Variants in NR3C1 observed in about 807,000 individuals in gnomAD.
The protein encoded by NR3C1 is glucocorticoid receptor.
A neutral mutation model predicts 74.0 loss-of-function variants in NR3C1; 14 were observed. The ratio of observed to expected loss-of-function variants is 0.19; its 90% CI spans 0.12 to 0.30. The LOEUF (loss-of-function observed/expected upper bound fraction) is 0.30. Ranked by LOEUF, NR3C1 falls within the 10% of genes least tolerant of loss-of-function variation. The pLI is 1.00. For synonymous variants in NR3C1, 308 were observed against 332.5 expected, an observed-to-expected ratio of 0.93 and a Z score of 0.80; for missense variants, 695 against 909.8, an observed-to-expected ratio of 0.76 and a Z score of 3.04.
intron 2 of NR3C1, among the ~76,000 whole-genome samples, chr5:143,399,324 GATATT>G (rs1427086801): frequency 6.6e-6 from 1 of 151,110 alleles, no homozygotes; most frequent in African/African-American, 2.5e-5. Flanking sequence ...AACACAATAT[GATATT>G]ATGAGACATT....
chr5:143,351,836 T>C (rs1448873370), intron 2 of NR3C1, among the ~76,000 whole-genome samples: 2 of 152,198 alleles, frequency 1.3e-5, no homozygotes, highest in Non-Finnish European at 2.9e-5. Flanking sequence ...AGTTTTTACA[T>C]ACTTCACTAA....
chr5:143,384,651 C>T (rs143687382), intron 2 of NR3C1, among the ~76,000 whole-genome samples: 31 of 152,334 alleles, frequency 2.0e-4, no homozygotes, highest in South Asian at 6.2e-4. Flanking sequence ...TTTGACTCCA[C>T]GTCTCATGTC....
At chr5:143,351,735 CA>C (rs1211016737) in intron 2 of NR3C1, among the ~76,000 whole-genome samples, 2 of 152,118 alleles carry the variant, frequency 1.3e-5, no homozygotes, top group African/African-American at 2.4e-5. Context: ...AGTAAAATGA[CA>C]AAAAATTTAT....
At chr5:143,307,237 C>T (rs1819834015) in intron 4 of NR3C1, among the ~76,000 whole-genome samples, 1 of 152,016 alleles carries the variant, frequency 6.6e-6, no homozygotes, top group African/African-American at 2.4e-5. Flanking sequence ...TTTCTGATGT[C>T]CAACAAAAGA....
intron 1 of NR3C1, among the ~76,000 whole-genome samples, chr5:143,413,068 A>G (rs1841350343): frequency 6.6e-6 from 1 of 152,338 alleles, no homozygotes; most frequent in South Asian, 2.1e-4. Context: ...GTTAGGCCCC[A>G]GTATAAGGCT....
chr5:143,403,234 C>A lies in NR3C1; in HGVS notation c.-37G>T. On this transcript the variant is annotated 5_prime_UTR_variant, in exon 1 of 9. Transcript: ENST00000394464. ...ACCTCTGGCAGAGGAGCCGCTCGCC[C>A]GCCACCGTCCGCAGTTCCCGCCGCA... 3 of 985,500 alleles carry A rather than the reference C, an allele frequency of 3.0e-6. No homozygotes were observed. Among genetic ancestry groups the A allele is most frequent in the South Asian group, 9.4e-5 (2 of 21,292 alleles). 61.0% of individuals were successfully genotyped at this position (985,500 alleles called of 1,614,324 possible).
intron 2 of NR3C1, among the ~76,000 whole-genome samples, chr5:143,322,049 G>T (rs1823498890): frequency 6.6e-6 from 1 of 152,112 alleles, no homozygotes. Flanking sequence ...AGCTAACATG[G>T]TAAATATTTA....
intron 3 of NR3C1, among the ~76,000 whole-genome samples, chr5:143,311,818 A>G (rs1019953820): frequency 1.5e-5 from 2 of 131,394 alleles, no homozygotes; most frequent in African/African-American, 6.0e-5. Flanking sequence ...TCCTGTAGAG[A>G]CGGGGTCTCG....
intron 1 of NR3C1, among the ~76,000 whole-genome samples, chr5:143,423,962 AG>A (rs1383641421): frequency 6.9e-6 from 1 of 144,418 alleles, no homozygotes; most frequent in Non-Finnish European, 1.5e-5. Context: ...GGGGGGATAA[AG>A]AGGGGGTGTT....
At chr5:143,312,240 G>T (rs374868628) in intron 3 of NR3C1, among the ~76,000 whole-genome samples, 15 of 152,280 alleles carry the variant, frequency 9.9e-5, no homozygotes, top group African/African-American at 3.4e-4. Context: ...GTCTTGTGCA[G>T]TCCCTTTCCG....
At chr5:143,295,299 C>A in intron 7 of NR3C1, 161 bp downstream of exon 7, 1 of 985,244 alleles carries the variant, frequency 1.0e-6, no homozygotes, top group Non-Finnish European at 1.2e-6. Context: ...GTGTCACTTA[C>A]TGTGCCTTTC....
At chr5:143,336,563 TG>T (rs1007088612) in intron 2 of NR3C1, among the ~76,000 whole-genome samples, 1 of 152,218 alleles carries the variant, frequency 6.6e-6, no homozygotes, top group Non-Finnish European at 1.5e-5. Flanking sequence ...TCAGGAAGAC[TG>T]GTTCAAAGTC....
chr5:143,282,916 A>C (rs1311174319), intron 7 of NR3C1, among the ~76,000 whole-genome samples, 191 bp from the exon 8 acceptor site: 18 of 149,622 alleles, frequency 1.2e-4, no homozygotes, highest in Admixed American at 1.1e-3. Flanking sequence ...AGTAGCTAGG[A>C]CTGTAGGCAC....
At chr5:143,305,160 G>C (rs1819307681) in intron 4 of NR3C1, among the ~76,000 whole-genome samples, 1 of 152,052 alleles carries the variant, frequency 6.6e-6, no homozygotes, top group South Asian at 2.1e-4. Flanking sequence ...AGTTTATATG[G>C]AACTTAAATT....
intron 2 of NR3C1, chr5:143,375,931 A>G (rs555020162): frequency 3.1e-4 from 47 of 152,342 alleles, no homozygotes; most frequent in African/African-American, 1.1e-3. Context: ...AGGGTCTGGC[A>G]TTTCAAAAAT....
At chr5:143,383,504 C>T (rs1836629507) in intron 2 of NR3C1, among the ~76,000 whole-genome samples, 1 of 152,212 alleles carries the variant, frequency 6.6e-6, no homozygotes, top group South Asian at 2.1e-4. Flanking sequence ...TGGGTACCTA[C>T]TATGTGCTAA....
chr5:143,421,003 T>G (rs1751203462), intron 1 of NR3C1, among the ~76,000 whole-genome samples: 1 of 152,198 alleles, frequency 6.6e-6, no homozygotes, highest in Admixed American at 6.5e-5. Flanking sequence ...TATGTATAAT[T>G]CAGGACAAAT....
At chr5:143,321,453 T>G (rs2151651213) in intron 2 of NR3C1, among the ~76,000 whole-genome samples, 1 of 152,268 alleles carries the variant, frequency 6.6e-6, no homozygotes, top group East Asian at 1.9e-4. Context: ...AATGCATGCC[T>G]TCTCTCACCT....
At chr5:143,374,527 A>T (rs1234475979) in intron 2 of NR3C1, among the ~76,000 whole-genome samples, 1 of 151,736 alleles carries the variant, frequency 6.6e-6, no homozygotes, top group Non-Finnish European at 1.5e-5. Context: ...AAAAGACATG[A>T]TCAGGTGGGT....
Sources: allele counts gnomAD v4.1 joint callset (sites outside exome capture counted in the v4.1 genomes callset), GRCh38; gene constraint gnomAD v4.1.1; transcripts MANE v1.5; gene names NCBI Gene and HGNC (gene_info 2026-07-23, HGNC 2026-07-21).